The following GRM5 variants were observed in gnomAD, a reference collection of about 807,000 sequenced individuals.
The protein encoded by GRM5 is glutamate metabotropic receptor 5.
In GRM5, 19 loss-of-function variants were observed where a neutral mutation model predicts 83.1. The observed-to-expected ratio is 0.23, with a 90% CI of 0.16 to 0.34. The LOEUF (loss-of-function observed/expected upper bound fraction) is 0.34, where lower values mean the gene tolerates loss of function less well. GRM5 is among the 10% of genes least tolerant of loss of function. The pLI is 1.00. For missense variants in GRM5, 1,160 were observed against 1,588.3 expected (o/e 0.73, Z 4.58); for synonymous variants, 675 against 633.6 (o/e 1.07, Z -0.98).
At chr11:88,760,950 CA>C (rs1276635375) in intron 3 of GRM5, among the ~76,000 whole-genome samples, 2 of 152,092 alleles carry the variant, frequency 1.3e-5, no homozygotes, top group South Asian at 2.1e-4. Flanking sequence ...GAACTAAAGC[CA>C]AAAACCACAT....
At chr11:88,728,355 A>T (rs1461551906) in intron 3 of GRM5, among the ~76,000 whole-genome samples, 1 of 152,122 alleles carries the variant, frequency 6.6e-6, no homozygotes, top group East Asian at 1.9e-4. Context: ...TAGACTAATA[A>T]CAAGTTCTGA....
intron 4 of GRM5, among the ~76,000 whole-genome samples, chr11:88,634,510 A>G (rs1402360841): frequency 6.6e-6 from 1 of 152,118 alleles, no homozygotes; most frequent in African/African-American, 2.4e-5. Context: ...ACCTACACAC[A>G]TTAGCCTAGG....
At chr11:88,891,401 C>T (rs1433935985) in intron 2 of GRM5, among the ~76,000 whole-genome samples, 1 of 151,950 alleles carries the variant, frequency 6.6e-6, no homozygotes. Context: ...CAAAATCAAA[C>T]TTCAAGTTTC....
intron 3 of GRM5, among the ~76,000 whole-genome samples, chr11:88,810,198 T>C (rs1419020452): frequency 1.3e-5 from 2 of 151,986 alleles, no homozygotes; most frequent in African/African-American, 2.4e-5. Context: ...AAGTTTGAGA[T>C]AATGGAAGGG....
chr11:88,774,330 C>G (rs912743986), intron 3 of GRM5, among the ~76,000 whole-genome samples: 1 of 152,196 alleles, frequency 6.6e-6, no homozygotes, highest in African/African-American at 2.4e-5. Context: ...AGTTGCTTAT[C>G]AGCTTAAGGA....
chr11:88,705,551 T>C (rs998625914), intron 3 of GRM5, among the ~76,000 whole-genome samples: 2 of 152,014 alleles, frequency 1.3e-5, no homozygotes, highest in African/African-American at 2.4e-5. Flanking sequence ...GTGAAGGTTT[T>C]GACATGGAGT....
At chr11:88,530,493 C>A (rs1198502610) in intron 8 of GRM5, among the ~76,000 whole-genome samples, 2 of 151,954 alleles carry the variant, frequency 1.3e-5, no homozygotes, top group Admixed American at 1.3e-4. Flanking sequence ...GAAGTTCTAG[C>A]TCTTCTGTAC....
chr11:88,542,852 T>C (rs565506478), intron 8 of GRM5, among the ~76,000 whole-genome samples: 1 of 152,272 alleles, frequency 6.6e-6, no homozygotes, highest in African/African-American at 2.4e-5. Context: ...GTGGATCACC[T>C]GAGGTCAGGA....
At chr11:88,851,866 G>A (rs1355919576) in intron 2 of GRM5, among the ~76,000 whole-genome samples, 1 of 152,138 alleles carries the variant, frequency 6.6e-6, no homozygotes, top group Non-Finnish European at 1.5e-5. Flanking sequence ...CTGTCATGAT[G>A]GCAGGTGGGC....
chr11:88,762,755 A>T (rs1348652129), intron 3 of GRM5, among the ~76,000 whole-genome samples: 2 of 151,952 alleles, frequency 1.3e-5, no homozygotes, highest in African/African-American at 4.8e-5. Flanking sequence ...TAGTAAAGAC[A>T]TGGAGTCAAC....
intron 2 of GRM5, among the ~76,000 whole-genome samples, chr11:88,957,378 A>G (rs1220517706): frequency 1.3e-5 from 2 of 152,216 alleles, no homozygotes; most frequent in Non-Finnish European, 2.9e-5. Context: ...ATTTTACCAA[A>G]AGCAATGTGG....
chr11:88,678,783 A>G (rs986983460), intron 3 of GRM5, among the ~76,000 whole-genome samples: 5 of 152,172 alleles, frequency 3.3e-5, no homozygotes, highest in Admixed American at 2.0e-4. Context: ...TTAATCTCAG[A>G]TCCAAAGATG....
chr11:88,900,764 T>A (rs1475125896), intron 2 of GRM5, among the ~76,000 whole-genome samples: 1 of 152,190 alleles, frequency 6.6e-6, no homozygotes. Flanking sequence ...ACCAAATGGA[T>A]AATTCCAGTA....
chr11:88,552,033 C>CTTTT (rs5793334), intron 8 of GRM5, among the ~76,000 whole-genome samples: 2 of 145,892 alleles, frequency 1.4e-5, no homozygotes. Context: ...AATGTCACAT[C>CTTTT]TTTTTTTTTT....
At chr11:88,659,476 G>A (rs539480016) in intron 3 of GRM5, among the ~76,000 whole-genome samples, 1 of 152,122 alleles carries the variant, frequency 6.6e-6, no homozygotes, top group Non-Finnish European at 1.5e-5. Flanking sequence ...TTTGTTTGCT[G>A]TGCAATAGCT....
At chr11:88,892,513 T>A (rs1321363752) in intron 2 of GRM5, among the ~76,000 whole-genome samples, 4 of 152,032 alleles carry the variant, frequency 2.6e-5, no homozygotes, top group Non-Finnish European at 5.9e-5. Flanking sequence ...CCAAAAGGCC[T>A]ATGTAGGGAT....
At chr11:88,533,376 T>C (rs61901963) in intron 8 of GRM5, among the ~76,000 whole-genome samples, 18,158 of 152,204 alleles carry the variant, frequency 0.12, 1,243 homozygotes, top group Non-Finnish European at 0.16. Flanking sequence ...AGCTTACTTC[T>C]TTCAAATTTT....
At chr11:88,878,925 T>C (rs1944903363) in intron 2 of GRM5, among the ~76,000 whole-genome samples, 1 of 152,048 alleles carries the variant, frequency 6.6e-6, no homozygotes, top group South Asian at 2.1e-4. Flanking sequence ...TTGCAGAAGA[T>C]AAAAGAGACT....
chr11:89,052,754 G>T (rs1163049628), intron 1 of GRM5, among the ~76,000 whole-genome samples: 1 of 152,152 alleles, frequency 6.6e-6, no homozygotes, highest in Non-Finnish European at 1.5e-5. Context: ...ATCCTAAAAT[G>T]TGAAATTGGA....
Sources: gnomAD v4.1 joint callset for allele counts (sites outside exome capture counted in the v4.1 genomes callset) on GRCh38, gnomAD v4.1.1 for gene constraint, MANE v1.5 for transcripts, NCBI Gene and HGNC (gene_info 2026-07-23, HGNC 2026-07-21) for gene names.